Variants in AOPEP observed in about 807,000 individuals in gnomAD.
The protein encoded by AOPEP is aminopeptidase O (putative), also known as aminopeptidase O.
A neutral mutation model predicts 98.1 loss-of-function variants in AOPEP; 77 were observed. That is an observed-to-expected ratio of 0.78 (90% confidence interval 0.65 to 0.95). The LOEUF (loss-of-function observed/expected upper bound fraction) is 0.95. Ranked by LOEUF, AOPEP falls within the 40% of genes least tolerant of loss-of-function variation. AOPEP has a pLI of 0.00. For synonymous variants in AOPEP, 346 were observed against 365.3 expected (o/e 0.95, Z 0.60); for missense variants, 1,024 against 1,024.7 (o/e 1.00, Z 0.01).
chr9:94,755,343 G>A (rs1836766447), intron 1 of AOPEP, among the ~76,000 whole-genome samples: 1 of 152,180 alleles, frequency 6.6e-6, no homozygotes, highest in Admixed American at 6.5e-5. Flanking sequence ...ACATGCATTT[G>A]CAACCACAGG....
At chr9:95,079,410 G>A (rs2069461798) in intron 14 of AOPEP, among the ~76,000 whole-genome samples, 1 of 152,204 alleles carries the variant, frequency 6.6e-6, no homozygotes, top group Non-Finnish European at 1.5e-5. Context: ...TAAAAACAAG[G>A]GGTGATAGAA....
chr9:95,010,643 C>A (rs1158996902), intron 13 of AOPEP, among the ~76,000 whole-genome samples: 1 of 152,164 alleles, frequency 6.6e-6, no homozygotes, highest in South Asian at 2.1e-4. Context: ...CTTACAATAG[C>A]TTCATTGATA....
chr9:94,963,810 C>T (rs187315494), intron 9 of AOPEP, among the ~76,000 whole-genome samples: 72 of 152,072 alleles, frequency 4.7e-4, no homozygotes, highest in African/African-American at 1.7e-3. Context: ...AGAAGACAGA[C>T]GAAAGAATTG....
intron 13 of AOPEP, among the ~76,000 whole-genome samples, chr9:95,007,919 G>A (rs987432936): frequency 1.3e-5 from 2 of 152,150 alleles, no homozygotes; most frequent in African/African-American, 2.4e-5. Context: ...AGTAGGAGCC[G>A]ACGCAGTTCA....
chr9:95,069,656 A>G (rs1168153321), intron 14 of AOPEP, among the ~76,000 whole-genome samples: 3 of 152,268 alleles, frequency 2.0e-5, no homozygotes, highest in Non-Finnish European at 1.5e-5. Context: ...AAGACCACAC[A>G]GGTGAAGCAA....
chr9:94,750,409 C>A (rs979222348), intron 1 of AOPEP, among the ~76,000 whole-genome samples: 10 of 151,980 alleles, frequency 6.6e-5, no homozygotes, highest in African/African-American at 1.9e-4. Context: ...CATGGTGAAA[C>A]CCTGTCTCTA....
chr9:94,984,321 A>G (rs10993437), intron 11 of AOPEP, among the ~76,000 whole-genome samples: 11,799 of 152,150 alleles, frequency 0.078, 1,147 homozygotes, highest in African/African-American at 0.23. Context: ...GAGCCACCGC[A>G]CCTAGCCGGA....
intron 5 of AOPEP, among the ~76,000 whole-genome samples, chr9:94,829,950 G>A (rs1357414400): frequency 6.6e-6 from 1 of 152,082 alleles, no homozygotes; most frequent in Non-Finnish European, 1.5e-5. Flanking sequence ...ATGATCTAAG[G>A]GTTCATGTGT....
intron 7 of AOPEP, among the ~76,000 whole-genome samples, chr9:94,948,865 C>T (rs999989926): frequency 6.6e-6 from 1 of 152,218 alleles, no homozygotes; most frequent in African/African-American, 2.4e-5. Context: ...ACCTCCAAAG[C>T]CCTTTTTGTT....
At chr9:95,027,647 GT>G (rs1755782856) in intron 13 of AOPEP, among the ~76,000 whole-genome samples, 2 of 152,168 alleles carry the variant, frequency 1.3e-5, no homozygotes, top group African/African-American at 4.8e-5. Context: ...AGTTCTAGGT[GT>G]TAGAATTTGG....
intron 5 of AOPEP, among the ~76,000 whole-genome samples, chr9:94,859,368 T>C (rs192689390): frequency 6.6e-6 from 1 of 152,332 alleles, no homozygotes; most frequent in Admixed American, 6.5e-5. Context: ...GGCACTGTCT[T>C]CACATCCCCA....
chr9:94,992,280 G>T (rs1307618014), intron 11 of AOPEP, among the ~76,000 whole-genome samples: 1 of 152,168 alleles, frequency 6.6e-6, no homozygotes, highest in Non-Finnish European at 1.5e-5. Flanking sequence ...ACTTTTCACT[G>T]GTGCTTGGTA....
rs567082355 is a variant in AOPEP at position 95,065,267 on chromosome 9, G to C, written c.2232+4457G>C. 6 of 152,362 alleles carry C rather than the reference G, an allele frequency of 3.9e-5. No individual in the cohort carries two copies. The East Asian group carries it at 1.2e-3, about 29-fold the overall frequency. 9.4% of individuals were successfully genotyped at this position (152,362 alleles called of 1,614,324 possible). On this transcript the variant is annotated intron_variant, in intron 14 of 16. Transcript: ENST00000375315. ...GTCTGCCTTGATCCAGAGTCTAAGC[G>C]TAATAAAGGCAGAAACTCTGGCTAT...
chr9:95,005,153 C>G lies in AOPEP; in HGVS notation c.1978-5C>G, dbSNP rs771194562. On this transcript the variant is annotated splice_polypyrimidine_tract_variant and splice_region_variant and intron_variant, in intron 11 of 16. Transcript: ENST00000375315. ...TAAACTTGACTGTGTCCTCTTCCCC[C>G]GCAGCCGCTGCAGAGGGAGCGTCGC... 2 of 1,146,452 alleles carry G rather than the reference C, an allele frequency of 1.7e-6. No individual in the cohort carries two copies. The highest frequency in any genetic ancestry group is 2.1e-6 in the Non-Finnish European group (2 of 930,848). The allele number at this position is 1,146,452 out of a possible 1,614,324, so 71.0% of individuals were successfully genotyped here.
intron 14 of AOPEP, among the ~76,000 whole-genome samples, chr9:95,071,090 GAAAAACCC>G (rs1319109404): frequency 6.6e-6 from 1 of 152,162 alleles, no homozygotes; most frequent in Admixed American, 6.5e-5. Flanking sequence ...CAGGGAGAAG[GAAAAACCC>G]AAAGTAATAT....
intron 3 of AOPEP, among the ~76,000 whole-genome samples, chr9:94,783,339 G>A (rs958967450): frequency 2.0e-5 from 3 of 152,246 alleles, no homozygotes; most frequent in Admixed American, 6.5e-5. Context: ...AAGCCTTGCT[G>A]GGTAGCATCA....
At chr9:94,941,305 C>T (rs528503235) in intron 7 of AOPEP, among the ~76,000 whole-genome samples, 4 of 152,368 alleles carry the variant, frequency 2.6e-5, no homozygotes, top group South Asian at 4.1e-4. Context: ...GCCTGTGCCT[C>T]TCCTAAGGTC....
At chr9:94,829,172 A>G (rs1434196185) in intron 5 of AOPEP, among the ~76,000 whole-genome samples, 2 of 151,950 alleles carry the variant, frequency 1.3e-5, no homozygotes, top group South Asian at 2.1e-4. Context: ...CCTGGCCACT[A>G]AGTTTCAAGA....
intron 14 of AOPEP, among the ~76,000 whole-genome samples, chr9:95,076,578 T>C (rs1244866093): frequency 6.6e-6 from 1 of 152,202 alleles, no homozygotes. Context: ...AAATAATCAA[T>C]GTAATTATAT....
Sources: allele counts gnomAD v4.1 joint callset (sites outside exome capture counted in the v4.1 genomes callset), GRCh38; gene constraint gnomAD v4.1.1; transcripts MANE v1.5; gene names NCBI Gene and HGNC (gene_info 2026-07-23, HGNC 2026-07-21).